LHFPL3: variants seen among roughly 807,000 people sequenced by gnomAD.
The protein encoded by LHFPL3 is LHFPL tetraspan subfamily member 3.
In LHFPL3, 5 loss-of-function variants were observed where a neutral mutation model predicts 19.3. That is an observed-to-expected ratio of 0.26 (90% CI 0.14 to 0.54). The LOEUF is 0.54. Among genes scored for constraint, LHFPL3 ranks in the 20% least tolerant of loss-of-function variants. The pLI is 0.94. For synonymous variants in LHFPL3, 133 were observed against 126.2 expected (o/e 1.05, Z -0.36); for missense variants, 249 against 307.4 (o/e 0.81, Z 1.42).
At chr7:104,885,098 C>A (rs1792124333) in intron 2 of LHFPL3, among the ~76,000 whole-genome samples, 1 of 152,180 alleles carries the variant, frequency 6.6e-6, no homozygotes, top group Non-Finnish European at 1.5e-5. Context: ...CAGACCCAGC[C>A]ACTGATCTTT....
At chr7:104,853,743 A>G (rs1791452585) in intron 2 of LHFPL3, among the ~76,000 whole-genome samples, 1 of 152,158 alleles carries the variant, frequency 6.6e-6, no homozygotes, top group Admixed American at 6.5e-5. Flanking sequence ...TTTTTGAACA[A>G]TTTTCATTTA....
intron 2 of LHFPL3, among the ~76,000 whole-genome samples, chr7:104,838,227 C>T (rs1441937523): frequency 6.6e-6 from 1 of 152,142 alleles, no homozygotes; most frequent in African/African-American, 2.4e-5. Flanking sequence ...TTGTGCCACA[C>T]CTGCCCTCTC....
At chr7:104,462,819 A>G (rs1357558739) in intron 1 of LHFPL3, among the ~76,000 whole-genome samples, 2 of 152,174 alleles carry the variant, frequency 1.3e-5, no homozygotes, top group African/African-American at 2.4e-5. Flanking sequence ...GAATGGTGCC[A>G]GCTCTAATTT....
chr7:104,394,348 A>G (rs1791140793), intron 1 of LHFPL3, among the ~76,000 whole-genome samples: 1 of 152,230 alleles, frequency 6.6e-6, no homozygotes, highest in African/African-American at 2.4e-5. Flanking sequence ...AGGTCTGAAA[A>G]GATAACCTCA....
At chr7:104,437,813 T>C (rs1792140245) in intron 1 of LHFPL3, among the ~76,000 whole-genome samples, 1 of 152,200 alleles carries the variant, frequency 6.6e-6, no homozygotes, top group Non-Finnish European at 1.5e-5. Flanking sequence ...CAGCAACTCA[T>C]AAGCTCTTCA....
intron 1 of LHFPL3, among the ~76,000 whole-genome samples, chr7:104,591,271 T>A (rs778455098): frequency 3.9e-5 from 6 of 152,222 alleles, no homozygotes; most frequent in Non-Finnish European, 8.8e-5. Context: ...CTTTCCATGT[T>A]TAGTGCTTCC....
chr7:104,611,412 G>A (rs1791211412), intron 1 of LHFPL3, among the ~76,000 whole-genome samples: 1 of 152,140 alleles, frequency 6.6e-6, no homozygotes, highest in Non-Finnish European at 1.5e-5. Flanking sequence ...ACGTGGGGAG[G>A]GATCCAGGCA....
chr7:104,338,093 C>CTTTTTTTTTTTTTTT (rs71296520), intron 1 of LHFPL3, among the ~76,000 whole-genome samples: 2 of 85,846 alleles, frequency 2.3e-5, no homozygotes, highest in Non-Finnish European at 2.1e-5. Flanking sequence ...TTTCCTTTTT[C>CTTTTTTTTTTTTTTT]TTTTTTTTTT....
intron 1 of LHFPL3, among the ~76,000 whole-genome samples, chr7:104,329,549 TAGAG>T (rs1021830350): frequency 6.6e-6 from 1 of 152,112 alleles, no homozygotes; most frequent in Non-Finnish European, 1.5e-5. Flanking sequence ...AGTGGCCGCT[TAGAG>T]AGATGGGGCC....
chr7:104,639,384 CTGAT>C (rs779320209), intron 1 of LHFPL3, among the ~76,000 whole-genome samples: 3 of 152,136 alleles, frequency 2.0e-5, no homozygotes, highest in Non-Finnish European at 4.4e-5. Context: ...ACAGCAGTCT[CTGAT>C]TGTTATTTGT....
chr7:104,620,795 T>C (rs1466737549), intron 1 of LHFPL3, among the ~76,000 whole-genome samples: 1 of 152,186 alleles, frequency 6.6e-6, no homozygotes, highest in Non-Finnish European at 1.5e-5. Context: ...AAGAGAAGGC[T>C]AAATGATGTA....
At chr7:104,745,975 G>A (rs972372800) in intron 2 of LHFPL3, among the ~76,000 whole-genome samples, 1 of 152,134 alleles carries the variant, frequency 6.6e-6, no homozygotes, top group Non-Finnish European at 1.5e-5. Context: ...AGTGACAGAG[G>A]CAGAGAGGCC....
intron 1 of LHFPL3, among the ~76,000 whole-genome samples, chr7:104,484,527 C>T (rs1029894489): frequency 6.6e-6 from 1 of 152,144 alleles, no homozygotes; most frequent in African/African-American, 2.4e-5. Flanking sequence ...TTAGACTTAC[C>T]TTCTTAGAAT....
At position 104,907,701 on chromosome 7, in the gene LHFPL3, A is replaced by G. The variant is rs531448805; in HGVS notation, c.*1486A>G. Among the ~76,000 whole-genome samples the G allele has an allele frequency of 3.9e-4, 60 of 152,326 alleles. No individual in the cohort carries two copies. Among genetic ancestry groups the G allele is most frequent in the African/African-American group, 1.4e-3 (58 of 41,590 alleles). ...CATGTATTCAAAATCAGAACAAATC[A>G]GTGTATATCACTAGAACATCAGATG... On this transcript the variant is annotated 3_prime_UTR_variant, in exon 3 of 3. Coordinates refer to ENST00000424859, the MANE Select transcript of LHFPL3 (RefSeq NM_199000.3).
intron 1 of LHFPL3, among the ~76,000 whole-genome samples, chr7:104,613,422 C>T (rs1791247093): frequency 6.6e-6 from 1 of 152,100 alleles, no homozygotes; most frequent in South Asian, 2.1e-4. Flanking sequence ...AAATGGTCCT[C>T]AATGCTGTTT....
At chr7:104,355,171 C>A (rs924428362) in intron 1 of LHFPL3, among the ~76,000 whole-genome samples, 1 of 152,162 alleles carries the variant, frequency 6.6e-6, no homozygotes, top group Admixed American at 6.5e-5. Flanking sequence ...ATGTGTAATT[C>A]GTCTTCGAGA....
chr7:104,579,191 G>A (rs1222200132), intron 1 of LHFPL3, among the ~76,000 whole-genome samples: 2 of 152,138 alleles, frequency 1.3e-5, no homozygotes, highest in East Asian at 1.9e-4. Flanking sequence ...TCGGGAGTAC[G>A]TGTGCAGGTT....
chr7:104,719,552 C>G (rs930804741), intron 1 of LHFPL3, among the ~76,000 whole-genome samples: 7 of 152,146 alleles, frequency 4.6e-5, no homozygotes, highest in Non-Finnish European at 8.8e-5. Context: ...CTTGGCACTA[C>G]GTGTAAAATG....
intron 1 of LHFPL3, among the ~76,000 whole-genome samples, chr7:104,373,549 A>G (rs1252162497): frequency 6.6e-6 from 1 of 152,218 alleles, no homozygotes; most frequent in African/African-American, 2.4e-5. Flanking sequence ...TGAGCCCTCA[A>G]GAGGTCCTGG....
Sources: gnomAD v4.1 joint callset for allele counts (sites outside exome capture counted in the v4.1 genomes callset) on GRCh38, gnomAD v4.1.1 for gene constraint, MANE v1.5 for transcripts, NCBI Gene and HGNC (gene_info 2026-07-23, HGNC 2026-07-21) for gene names.